SUCLG2: variants seen among roughly 807,000 people sequenced by gnomAD.
The protein encoded by SUCLG2 is succinate--CoA ligase [GDP-forming] subunit beta, mitochondrial.
In SUCLG2, 42 loss-of-function variants were observed where a neutral mutation model predicts 47.9. The ratio of observed to expected loss-of-function variants is 0.88; its 90% CI spans 0.69 to 1.14. SUCLG2 has a LOEUF of 1.14. Among genes scored for constraint, SUCLG2 ranks in the 50% most tolerant of loss-of-function variants. The pLI is 0.00. For synonymous variants in SUCLG2, 195 were observed against 197.3 expected, an observed-to-expected ratio of 0.99 and a Z score of 0.10; for missense variants, 571 against 525.9, an observed-to-expected ratio of 1.09 and a Z score of -0.84.
chr3:67,391,012 C>G (rs978563619), intron 10 of SUCLG2, among the ~76,000 whole-genome samples: 1 of 152,140 alleles, frequency 6.6e-6, no homozygotes, highest in African/African-American at 2.4e-5. Context: ...TAATAAACCT[C>G]GAGATAATTT....
intron 2 of SUCLG2, among the ~76,000 whole-genome samples, chr3:67,577,668 C>T (rs1707778295): frequency 2.6e-5 from 4 of 152,152 alleles, no homozygotes; most frequent in African/African-American, 9.7e-5. Flanking sequence ...CTACCAGAGC[C>T]TCTGTCTTCC....
chr3:67,648,140 G>T (rs1701223044), intron 1 of SUCLG2, among the ~76,000 whole-genome samples: 1 of 152,122 alleles, frequency 6.6e-6, no homozygotes. Flanking sequence ...CCCTTTTCAA[G>T]TAACAGTAAA....
intron 2 of SUCLG2, among the ~76,000 whole-genome samples, chr3:67,598,222 C>G (rs1407082495): frequency 1.3e-5 from 2 of 151,928 alleles, no homozygotes; most frequent in Non-Finnish European, 2.9e-5. Context: ...ACTCAGGCAA[C>G]ACGCCCACCT....
intron 9 of SUCLG2, among the ~76,000 whole-genome samples, chr3:67,492,569 TAAATCAAAATGATGAAGACCACC>T (rs1382389727): frequency 6.6e-6 from 1 of 152,214 alleles, no homozygotes; most frequent in Non-Finnish European, 1.5e-5. Context: ...TAGAATTCTT[TAAATCAAAATGATGAAGACCACC>T]AGCAGAACAA....
At chr3:67,461,499 G>A (rs1704332660) in intron 9 of SUCLG2, among the ~76,000 whole-genome samples, 1 of 151,508 alleles carries the variant, frequency 6.6e-6, no homozygotes, top group Non-Finnish European at 1.5e-5. Context: ...CATATATTAT[G>A]TATCAGGTAC....
chr3:67,398,717 C>T (rs1290557972), intron 10 of SUCLG2, among the ~76,000 whole-genome samples: 1 of 152,188 alleles, frequency 6.6e-6, no homozygotes, highest in African/African-American at 2.4e-5. Flanking sequence ...AGGACACATG[C>T]ACACATATGT....
chr3:67,507,986 C>T (rs574043548), intron 7 of SUCLG2, among the ~76,000 whole-genome samples: 14 of 152,260 alleles, frequency 9.2e-5, no homozygotes, highest in African/African-American at 3.4e-4. Flanking sequence ...CAAGCTTTTG[C>T]TATCAAATTA....
At chr3:67,512,955 C>T (rs908839192) in intron 6 of SUCLG2, among the ~76,000 whole-genome samples, 9 of 150,424 alleles carry the variant, frequency 6.0e-5, no homozygotes, top group Non-Finnish European at 4.4e-5. Context: ...CCATATATAT[C>T]TCCATATATA....
intron 1 of SUCLG2, among the ~76,000 whole-genome samples, chr3:67,636,634 G>C (rs1028509818): frequency 6.6e-6 from 1 of 151,844 alleles, no homozygotes; most frequent in South Asian, 2.1e-4. Flanking sequence ...TTACAGGCGT[G>C]AGCCACTGCA....
chr3:67,431,885 T>A (rs1160144952), intron 9 of SUCLG2, among the ~76,000 whole-genome samples: 1 of 152,046 alleles, frequency 6.6e-6, no homozygotes, highest in Non-Finnish European at 1.5e-5. Context: ...TAAAGTATAA[T>A]AAAATAATAA....
At chr3:67,609,030 G>C (rs1700480052) in intron 2 of SUCLG2, among the ~76,000 whole-genome samples, 1 of 152,140 alleles carries the variant, frequency 6.6e-6, no homozygotes, top group Non-Finnish European at 1.5e-5. Flanking sequence ...TGATCCTGGC[G>C]GAACTGAGGA....
chr3:67,363,923 C>A (rs188587908), intron 10 of SUCLG2, among the ~76,000 whole-genome samples: 1 of 152,162 alleles, frequency 6.6e-6, no homozygotes, highest in African/African-American at 2.4e-5. Flanking sequence ...AGACACAACA[C>A]AGTGGTGAGT....
intron 9 of SUCLG2, among the ~76,000 whole-genome samples, chr3:67,443,508 G>A (rs1703828916): frequency 1.4e-5 from 1 of 72,458 alleles, no homozygotes; most frequent in African/African-American, 4.9e-5. Context: ...GTGCCTGGCC[G>A]CCCATCGTCT....
rs1701903721 is a variant in SUCLG2, at chr3:67,368,385, C to CTTTTATT, written c.1184-7624_1184-7618dup. Reference sequence around the variant, plus strand: ...ACAATTTCACATTCATTTCAATAAACTTTTATTCTATTATATCTTTAAAAT... The same window carrying CTTTTATT: ...ACAATTTCACATTCATTTCAATAAACTTTTATTTTTTATTCTATTATATCTTTAAAAT... On this transcript the variant is annotated intron_variant, in intron 10 of 10. Transcript: ENST00000493112. Among the ~76,000 whole-genome samples, 6 of 152,212 alleles carry CTTTTATT rather than the reference C, an allele frequency of 3.9e-5. No individual in the cohort carries two copies. In the South Asian group the frequency reaches 1.2e-3, roughly 32 times the overall value.
chr3:67,609,602 G>T lies in SUCLG2; in HGVS notation c.85-6C>A. The T allele has an allele frequency of 6.2e-7, 1 of 1,611,220 alleles. No homozygotes were observed. Among genetic ancestry groups the T allele is most frequent in the Non-Finnish European group, 8.5e-7 (1 of 1,179,198 alleles). ...CTGGAGGTTAATTGAACTGCCTACA[G>T]AAATTGAAGGAGAGAGGTAAGAACA... On this transcript the variant is annotated splice_region_variant and splice_polypyrimidine_tract_variant and intron_variant, in intron 1 of 10. Coordinates refer to ENST00000307227, the MANE Select transcript of SUCLG2 (RefSeq NM_003848.4).
At chr3:67,631,293 G>A (rs1361656117) in intron 1 of SUCLG2, among the ~76,000 whole-genome samples, 2 of 152,174 alleles carry the variant, frequency 1.3e-5, no homozygotes, top group African/African-American at 4.8e-5. Context: ...AGTGATAGAG[G>A]TGAATGGTTG....
rs541914343 is a variant in SUCLG2 at position 67,605,131 on chromosome 3, C to T, written c.226+4324G>A. Among the ~76,000 whole-genome samples, 26 of 152,252 alleles carry T rather than the reference C, an allele frequency of 1.7e-4. 1 individual carries two copies. The highest frequency in any genetic ancestry group is 1.2e-3 in the South Asian group (6 of 4,814). ...GTGTTAGACACATAATCATTCTAGG[C>T]AATTTTCTCCCATGATGGTATCATA... On this transcript the variant is annotated intron_variant, in intron 2 of 10. Coordinates refer to ENST00000307227, the MANE Select transcript of SUCLG2 (RefSeq NM_003848.4).
At chr3:67,538,865 T>C (rs1209320815) in intron 2 of SUCLG2, among the ~76,000 whole-genome samples, 4 of 152,226 alleles carry the variant, frequency 2.6e-5, no homozygotes, top group Non-Finnish European at 5.9e-5. Context: ...TGTTTGTCTA[T>C]TAATGGTGTA....
intron 9 of SUCLG2, among the ~76,000 whole-genome samples, chr3:67,491,915 T>C (rs1705217590): frequency 6.6e-6 from 1 of 152,176 alleles, no homozygotes; most frequent in South Asian, 2.1e-4. Flanking sequence ...TAAACGAGGA[T>C]ACCAAGGCAC....
Sources: gnomAD v4.1 joint callset for allele counts (sites outside exome capture counted in the v4.1 genomes callset) on GRCh38, gnomAD v4.1.1 for gene constraint, MANE v1.5 for transcripts, NCBI Gene and HGNC (gene_info 2026-07-23, HGNC 2026-07-21) for gene names.